Variants in ANKHD1 observed in about 807,000 individuals in gnomAD.
ANKHD1 encodes the protein ankyrin repeat and KH domain containing 1.
ANKHD1 carries 31 observed loss-of-function variants against 230.5 expected under a neutral mutation model. That is an observed-to-expected ratio of 0.13 (90% CI 0.10 to 0.18). ANKHD1 has a LOEUF of 0.18. ANKHD1 is among the 10% of genes least tolerant of loss of function. The pLI is 1.00. For missense variants in ANKHD1, 2,256 were observed against 3,071.3 expected, an observed-to-expected ratio of 0.73 and a Z score of 6.27; for synonymous variants, 1,074 against 1,117.6, an observed-to-expected ratio of 0.96 and a Z score of 0.78.
intron 7 of ANKHD1, among the ~76,000 whole-genome samples, chr5:140,451,364 A>G (rs1226825948): frequency 2.6e-5 from 4 of 152,192 alleles, no homozygotes; most frequent in Admixed American, 6.5e-5. Context: ...TTTATTTTAC[A>G]TGTATTTGAA....
chr5:140,504,285 C>T (rs144436965), intron 15 of ANKHD1, among the ~76,000 whole-genome samples: 4,098 of 152,300 alleles, frequency 0.027, 198 homozygotes, highest in African/African-American at 0.094. Context: ...CTCCTGACCT[C>T]AGGTGATTCA....
intron 1 of ANKHD1, among the ~76,000 whole-genome samples, chr5:140,425,631 G>A (rs541116083): frequency 3.3e-5 from 5 of 152,262 alleles, no homozygotes; most frequent in Non-Finnish European, 5.9e-5. Flanking sequence ...ATTGTAGAAA[G>A]AACCTTGAAA....
intron 1 of ANKHD1, among the ~76,000 whole-genome samples, chr5:140,407,065 G>A (rs1238934089): frequency 3.3e-5 from 5 of 151,876 alleles, no homozygotes; most frequent in African/African-American, 1.2e-4. Context: ...GGGAGGCCGA[G>A]GTGGGTGGGT....
chr5:140,422,781 G>A (rs1027645302), intron 1 of ANKHD1, among the ~76,000 whole-genome samples: 1 of 149,414 alleles, frequency 6.7e-6, no homozygotes, highest in Non-Finnish European at 1.5e-5. Flanking sequence ...TTGCACTCCA[G>A]CCTGGGTGAC....
At chr5:140,491,160 A>ATATATAT (rs1282293062) in intron 14 of ANKHD1, among the ~76,000 whole-genome samples, 7 of 45,656 alleles carry the variant, frequency 1.5e-4, no homozygotes, top group African/African-American at 3.9e-4. Context: ...ATATATATAT[A>ATATATAT]TTTTTTTTTT....
At chr5:140,439,846 A>T (rs1480918989) in intron 3 of ANKHD1, among the ~76,000 whole-genome samples, 2 of 152,172 alleles carry the variant, frequency 1.3e-5, no homozygotes, top group Non-Finnish European at 2.9e-5. Flanking sequence ...GCTTTAAAAA[A>T]CTTTATTTAA....
chr5:140,438,316 C>A, intron 2 of ANKHD1, 145 bp from the exon 3 acceptor site: 2 of 1,209,718 alleles, frequency 1.7e-6, no homozygotes, highest in Non-Finnish European at 2.2e-6. Flanking sequence ...AATTGATAAG[C>A]CTTATCTTCT....
chr5:140,487,877 A>G (rs1014890446), intron 14 of ANKHD1, among the ~76,000 whole-genome samples: 4 of 152,228 alleles, frequency 2.6e-5, no homozygotes, highest in African/African-American at 9.6e-5. Context: ...GTGTATATAA[A>G]TATCTGTAAC....
chr5:140,535,980 G>A (rs72798885), intron 30 of ANKHD1: 29,256 of 151,518 alleles, frequency 0.19, 3,293 homozygotes, highest in East Asian at 0.27. Context: ...TCTTAAATCT[G>A]GAAAGAAGTT....
intron 1 of ANKHD1, among the ~76,000 whole-genome samples, chr5:140,418,874 G>A (rs769405490): frequency 3.3e-5 from 5 of 152,216 alleles, no homozygotes; most frequent in Middle Eastern, 3.4e-3. Flanking sequence ...GGGATTACAG[G>A]CATGTGCCAA....
intron 13 of ANKHD1, chr5:140,486,034 CA>C (rs1432391357): frequency 7.4e-6 from 2 of 270,726 alleles, no homozygotes; most frequent in African/African-American, 4.6e-5. Context: ...TGTTTTTTAA[CA>C]AGAGAATCAA....
intron 10 of ANKHD1, among the ~76,000 whole-genome samples, chr5:140,473,151 C>T (rs1002523602): frequency 6.6e-6 from 1 of 151,728 alleles, no homozygotes; most frequent in Non-Finnish European, 1.5e-5. Context: ...GCCCCAGCCT[C>T]CCAAGTAACT....
rs1421344454 is a variant in ANKHD1, at chr5:140,485,161, A to G, written c.1911A>G (p.Thr637=). 1.2e-6 allele frequency: 2 copies of G among 1,614,004 alleles called. No homozygotes were observed. The highest frequency in any genetic ancestry group is 1.7e-6 in the Non-Finnish European group (2 of 1,179,904). The part of the protein sequence containing the change: ...VNRATANNDH[T]VVSLACAGGH... ...GGGCTACAGCCAATAATGATCATACAGTAGTGTCGCTGGCATGTGCAGGAG... is the reference window on the plus strand; with the variant it reads ...GGGCTACAGCCAATAATGATCATACGGTAGTGTCGCTGGCATGTGCAGGAG... Residue 637 remains threonine (T), a synonymous_variant, in exon 12 of 34, where the codon ACA becomes ACG. Coordinates refer to ENST00000360839, the MANE Select transcript of ANKHD1 (RefSeq NM_017747.3). This position sits in a 1 kb window ranked among gnomAD's most constrained non-coding sequence, Gnocchi z 4.8.
chr5:140,470,611 CTT>C (rs386405120), intron 10 of ANKHD1, among the ~76,000 whole-genome samples: 1,282 of 71,680 alleles, frequency 0.018, 10 homozygotes, highest in African/African-American at 0.064. Context: ...CTTGTTTCTG[CTT>C]TTTTTTTTTT....
chr5:140,451,073 A>G (rs561099486), intron 7 of ANKHD1, among the ~76,000 whole-genome samples: 1 of 152,052 alleles, frequency 6.6e-6, no homozygotes. Context: ...AATCACTTGA[A>G]CCTGGGAGGT....
intron 2 of ANKHD1, among the ~76,000 whole-genome samples, chr5:140,437,859 T>C (rs1773568314): frequency 6.6e-6 from 1 of 152,234 alleles, no homozygotes; most frequent in East Asian, 1.9e-4. Flanking sequence ...AAATGAAAAA[T>C]ACCTCACCAT....
chr5:140,406,042 C>T (rs1271898299), intron 1 of ANKHD1, among the ~76,000 whole-genome samples: 1 of 151,936 alleles, frequency 6.6e-6, no homozygotes, highest in African/African-American at 2.4e-5. Context: ...GAGTTAGAGA[C>T]CAGCCTGGCC....
intron 9 of ANKHD1, among the ~76,000 whole-genome samples, chr5:140,459,628 T>C (rs1032770962): frequency 1.3e-5 from 2 of 151,952 alleles, no homozygotes; most frequent in Non-Finnish European, 2.9e-5. Context: ...TTGCTAAGAG[T>C]AGATTTAAAT....
chr5:140,433,143 A>G (rs1390515274), intron 1 of ANKHD1, among the ~76,000 whole-genome samples: 2 of 150,724 alleles, frequency 1.3e-5, no homozygotes, highest in Non-Finnish European at 2.9e-5. Context: ...GTCTCAGCTC[A>G]CTGCAACCTC....
Sources: allele counts gnomAD v4.1 joint callset (sites outside exome capture counted in the v4.1 genomes callset), GRCh38; gene constraint gnomAD v4.1.1; non-coding constraint Gnocchi (gnomAD v3.1); transcripts MANE v1.5; gene names NCBI Gene and HGNC (gene_info 2026-07-23, HGNC 2026-07-21).